Variants in RABGAP1L observed in about 807,000 individuals in gnomAD.
The protein encoded by RABGAP1L is RAB GTPase activating protein 1 like.
RABGAP1L carries 63 observed loss-of-function variants against 137.7 expected under a neutral mutation model. The ratio of observed to expected loss-of-function variants is 0.46; its 90% CI spans 0.37 to 0.56. The LOEUF is 0.56. Ranked by LOEUF, RABGAP1L falls within the 20% of genes least tolerant of loss-of-function variation. RABGAP1L has a pLI of 0.00. For missense variants in RABGAP1L, 1,095 were observed against 1,244.0 expected (o/e 0.88, Z 1.80); for synonymous variants, 431 against 433.7 (o/e 0.99, Z 0.08).
chr1:174,962,202 C>CT (rs1553295774), intron 20 of RABGAP1L, among the ~76,000 whole-genome samples: 1 of 109,396 alleles, frequency 9.1e-6, no homozygotes, highest in South Asian at 3.4e-4. Flanking sequence ...ATACACCCCC[C>CT]CCCCACACAC....
chr1:174,284,734 C>CTTTTTTTTTTTT (rs59344382), intron 10 of RABGAP1L, among the ~76,000 whole-genome samples: 3 of 42,620 alleles, frequency 7.0e-5, no homozygotes, highest in African/African-American at 9.8e-5. Flanking sequence ...TATTTCTTGT[C>CTTTTTTTTTTTT]TTTTTTTTTT....
At chr1:174,900,451 G>C (rs72717650) in intron 19 of RABGAP1L, among the ~76,000 whole-genome samples, 4 of 152,052 alleles carry the variant, frequency 2.6e-5, no homozygotes, top group African/African-American at 9.7e-5. Flanking sequence ...TGGTGTGTGT[G>C]GTCTATGTAA....
intron 19 of RABGAP1L, among the ~76,000 whole-genome samples, chr1:174,816,326 A>G (rs1013233963): frequency 3.3e-5 from 5 of 151,578 alleles, no homozygotes; most frequent in African/African-American, 1.2e-4. Context: ...ATAATGTTCT[A>G]TTTTTAGTAG....
chr1:174,423,096 A>G (rs1410824916), intron 13 of RABGAP1L, among the ~76,000 whole-genome samples: 1 of 152,100 alleles, frequency 6.6e-6, no homozygotes, highest in African/African-American at 2.4e-5. Context: ...AGCAGTATTC[A>G]TTATCAGTGT....
chr1:174,247,421 G>A lies in RABGAP1L; in HGVS notation c.718-3054G>A, dbSNP rs575897922. On this transcript the variant is annotated intron_variant, in intron 5 of 25. Coordinates refer to ENST00000681986, the MANE Select transcript of RABGAP1L (RefSeq NM_001366446.1). ...TGGGGAATGTTGTAGGAGTTATTAA[G>A]AAATTATTTTAGGCATATAGAGATG... is the stretch of plus-strand genomic sequence containing the variant. Among the ~76,000 whole-genome samples, 11 of 152,308 alleles carry A rather than the reference G, an allele frequency of 7.2e-5. No homozygotes were observed. In the East Asian group the frequency reaches 1.9e-3, roughly 27 times the overall value.
intron 17 of RABGAP1L, among the ~76,000 whole-genome samples, chr1:174,719,840 G>A (rs1351924639): frequency 2.0e-5 from 3 of 152,120 alleles, no homozygotes; most frequent in Admixed American, 1.3e-4. Context: ...TTTTGGAGGT[G>A]GTAGGAGTGA....
intron 15 of RABGAP1L, among the ~76,000 whole-genome samples, chr1:174,689,912 A>G (rs1678755919): frequency 6.6e-6 from 1 of 152,206 alleles, no homozygotes. Context: ...ATCTTGAGTG[A>G]TATACTTACT....
At chr1:174,986,954 C>T (rs1001905142) in intron 24 of RABGAP1L, among the ~76,000 whole-genome samples, 4 of 152,198 alleles carry the variant, frequency 2.6e-5, no homozygotes, top group African/African-American at 9.6e-5. Context: ...AGTAAATACA[C>T]AACAAATATT....
intron 3 of RABGAP1L, among the ~76,000 whole-genome samples, chr1:174,226,296 C>T (rs974471931): frequency 1.3e-5 from 2 of 152,194 alleles, no homozygotes; most frequent in Non-Finnish European, 2.9e-5. Flanking sequence ...TGTGGTGGCT[C>T]ACGCCTGTAA....
intron 13 of RABGAP1L, among the ~76,000 whole-genome samples, chr1:174,549,322 T>C (rs1458406126): frequency 6.6e-6 from 1 of 152,214 alleles, no homozygotes; most frequent in Non-Finnish European, 1.5e-5. Context: ...AATTTTTTCT[T>C]AATGTAAATT....
chr1:174,830,135 A>G (rs913590663), intron 19 of RABGAP1L, among the ~76,000 whole-genome samples: 1 of 148,054 alleles, frequency 6.8e-6, no homozygotes, highest in African/African-American at 2.5e-5. Context: ...CATGTTCTCA[A>G]GAAGGCAAGA....
At chr1:174,748,688 T>C (rs1684077251) in intron 17 of RABGAP1L, among the ~76,000 whole-genome samples, 1 of 151,280 alleles carries the variant, frequency 6.6e-6, no homozygotes. Context: ...TTGGGCAATA[T>C]AGTGAAACCC....
intron 18 of RABGAP1L, among the ~76,000 whole-genome samples, chr1:174,784,396 T>G (rs1687297385): frequency 6.6e-6 from 1 of 152,152 alleles, no homozygotes. Context: ...TAGTGCTCTG[T>G]TGTCAATTTA....
At chr1:174,667,257 A>G (rs551514005) in intron 14 of RABGAP1L, among the ~76,000 whole-genome samples, 1 of 152,276 alleles carries the variant, frequency 6.6e-6, no homozygotes, top group East Asian at 1.9e-4. Flanking sequence ...CTCCATCTCT[A>G]TTGAAACCCA....
intron 18 of RABGAP1L, among the ~76,000 whole-genome samples, chr1:174,764,568 C>A (rs1685509535): frequency 6.6e-6 from 1 of 152,148 alleles, no homozygotes; most frequent in South Asian, 2.1e-4. Context: ...GTTTCCTAGC[C>A]AAACAACCCT....
rs1213256414 is a variant in RABGAP1L, at chr1:174,420,987, T to C, written c.1710+26842T>C. 2.6e-5 allele frequency among the ~76,000 whole-genome samples: 4 copies of C among 152,290 alleles called. No homozygotes were observed. In the East Asian group the frequency reaches 7.7e-4, roughly 29 times the overall value. On this transcript the variant is annotated intron_variant, in intron 13 of 25. Coordinates refer to ENST00000681986, the MANE Select transcript of RABGAP1L (RefSeq NM_001366446.1). ...ACCGCGCCTGGCTGGATTCAGGTTT[T>C]ATAGGGCATGAAGCTTATATAATTT...
At position 174,280,205 on chromosome 1, in the gene RABGAP1L, AC is replaced by A. The variant is rs1675397565; in HGVS notation, c.1323+1428del. On this transcript the variant is annotated intron_variant, in intron 10 of 25. Coordinates refer to ENST00000681986, the MANE Select transcript of RABGAP1L (RefSeq NM_001366446.1). ...TAAGGCCAGACTAGCTTCTTTCTACACCTCCAAAAGGTGGGTTGGTTTGGGG... is the reference window on the plus strand; with the variant it reads ...TAAGGCCAGACTAGCTTCTTTCTACACTCCAAAAGGTGGGTTGGTTTGGGG... 2.0e-5 allele frequency among the ~76,000 whole-genome samples: 3 copies of A among 152,166 alleles called. No homozygotes were observed. The East Asian group carries it at 5.8e-4, about 29-fold the overall frequency.
At chr1:174,229,946 A>G (rs1282447990) in intron 3 of RABGAP1L, among the ~76,000 whole-genome samples, 1 of 152,152 alleles carries the variant, frequency 6.6e-6, no homozygotes, top group Non-Finnish European at 1.5e-5. Flanking sequence ...CTGACTTTTT[A>G]ATGATCACCA....
At chr1:174,777,067 T>A (rs1686581418) in intron 18 of RABGAP1L, among the ~76,000 whole-genome samples, 1 of 152,156 alleles carries the variant, frequency 6.6e-6, no homozygotes. Context: ...GCAATATTGG[T>A]TTTTTCACCT....
Sources: gnomAD v4.1 joint callset for allele counts (sites outside exome capture counted in the v4.1 genomes callset) on GRCh38, gnomAD v4.1.1 for gene constraint, MANE v1.5 for transcripts, NCBI Gene and HGNC (gene_info 2026-07-23, HGNC 2026-07-21) for gene names.